CNTNAP2: variants seen among roughly 807,000 people sequenced by gnomAD.
The protein encoded by CNTNAP2 is contactin associated protein 2.
CNTNAP2 carries 98 observed loss-of-function variants against 155.2 expected under a neutral mutation model. The ratio of observed to expected loss-of-function variants is 0.63; its 90% CI spans 0.54 to 0.75. The LOEUF (loss-of-function observed/expected upper bound fraction) is 0.75. Ranked by LOEUF, CNTNAP2 falls within the 30% of genes least tolerant of loss-of-function variation. CNTNAP2 has a pLI of 0.00. For synonymous variants in CNTNAP2, 651 were observed against 631.2 expected, an observed-to-expected ratio of 1.03 and a Z score of -0.47; for missense variants, 1,727 against 1,688.1, an observed-to-expected ratio of 1.02 and a Z score of -0.40.
intron 1 of CNTNAP2, among the ~76,000 whole-genome samples, chr7:146,348,400 G>C (rs1278631476): frequency 6.6e-6 from 1 of 152,030 alleles, no homozygotes; most frequent in East Asian, 1.9e-4. Flanking sequence ...ACTCCAGCCT[G>C]GGCAATAAGA....
At chr7:146,696,927 G>A (rs1282376586) in intron 1 of CNTNAP2, among the ~76,000 whole-genome samples, 3 of 152,114 alleles carry the variant, frequency 2.0e-5, no homozygotes, top group Non-Finnish European at 4.4e-5. Flanking sequence ...TTGTGACCTA[G>A]AATGTGGTAT....
chr7:147,709,194 G>T (rs1796365540), intron 13 of CNTNAP2, among the ~76,000 whole-genome samples: 2 of 152,112 alleles, frequency 1.3e-5, no homozygotes, highest in Admixed American at 1.3e-4. Flanking sequence ...TGGTACAAGG[G>T]CCAGGTCATC....
intron 1 of CNTNAP2, among the ~76,000 whole-genome samples, chr7:146,480,751 C>T (rs1796948389): frequency 7.2e-6 from 1 of 138,962 alleles, no homozygotes; most frequent in African/African-American, 2.7e-5. Context: ...TGCAGTGGTG[C>T]GATCTCGGCT....
chr7:146,327,921 T>A (rs1408289963), intron 1 of CNTNAP2, among the ~76,000 whole-genome samples: 2 of 152,170 alleles, frequency 1.3e-5, no homozygotes, highest in East Asian at 1.9e-4. Flanking sequence ...GTAGTATCTG[T>A]TAGAGGAAAG....
chr7:147,851,511 T>C (rs1010912826), intron 13 of CNTNAP2, among the ~76,000 whole-genome samples: 42 of 152,170 alleles, frequency 2.8e-4, no homozygotes, highest in Non-Finnish European at 4.9e-4. Context: ...AGCAAAGACT[T>C]GGAACCAACC....
intron 3 of CNTNAP2, among the ~76,000 whole-genome samples, chr7:146,840,830 A>G (rs988827057): frequency 6.6e-6 from 1 of 152,226 alleles, no homozygotes; most frequent in African/African-American, 2.4e-5. Flanking sequence ...GTTCATTTCT[A>G]CAGCAGTATG....
At chr7:146,838,200 G>A (rs1015664023) in intron 2 of CNTNAP2, among the ~76,000 whole-genome samples, 2 of 152,198 alleles carry the variant, frequency 1.3e-5, no homozygotes. Context: ...TCCAGAAAGT[G>A]AAGCTAGCAG....
At chr7:147,743,745 C>T (rs1426311280) in intron 13 of CNTNAP2, among the ~76,000 whole-genome samples, 1 of 151,556 alleles carries the variant, frequency 6.6e-6, no homozygotes, top group African/African-American at 2.4e-5. Context: ...TGTGTTTTAA[C>T]GTCAGTCCTC....
chr7:146,305,792 C>G (rs1170976367), intron 1 of CNTNAP2, among the ~76,000 whole-genome samples: 1 of 152,000 alleles, frequency 6.6e-6, no homozygotes, highest in Non-Finnish European at 1.5e-5. Flanking sequence ...CAAGAGAAAG[C>G]AGGAAAGATC....
intron 15 of CNTNAP2, among the ~76,000 whole-genome samples, chr7:148,102,540 A>C (rs1804123389): frequency 6.6e-6 from 1 of 152,234 alleles, no homozygotes; most frequent in African/African-American, 2.4e-5. Context: ...ACAACTTGAA[A>C]TATTGAAGCG....
intron 19 of CNTNAP2, among the ~76,000 whole-genome samples, chr7:148,219,361 G>A (rs746867282): frequency 6.6e-5 from 10 of 152,182 alleles, no homozygotes; most frequent in South Asian, 2.1e-4. Context: ...ATTGTTTCCT[G>A]CCCTTCAGTG....
chr7:146,305,176 C>T (rs1476719913), intron 1 of CNTNAP2, among the ~76,000 whole-genome samples: 1 of 152,088 alleles, frequency 6.6e-6, no homozygotes, highest in Non-Finnish European at 1.5e-5. Flanking sequence ...TTTGTCTAAT[C>T]CTTTTTCAAG....
At chr7:147,476,685 G>A (rs1358719970) in intron 10 of CNTNAP2, among the ~76,000 whole-genome samples, 2 of 152,010 alleles carry the variant, frequency 1.3e-5, no homozygotes, top group Non-Finnish European at 2.9e-5. Context: ...CCAGCACTTT[G>A]GGAGGCCAAG....
chr7:146,182,222 C>G (rs1798559433), intron 1 of CNTNAP2, among the ~76,000 whole-genome samples: 1 of 151,996 alleles, frequency 6.6e-6, no homozygotes, highest in African/African-American at 2.4e-5. Flanking sequence ...GAAAAAGATT[C>G]TAGAGACAAG....
chr7:147,457,365 G>A (rs1171401488), intron 10 of CNTNAP2, among the ~76,000 whole-genome samples: 2 of 152,026 alleles, frequency 1.3e-5, no homozygotes, highest in African/African-American at 2.4e-5. Flanking sequence ...CAGTTGTAAC[G>A]CTCAGCCGGA....
At chr7:146,121,480 A>G (rs1193434076) in intron 1 of CNTNAP2, among the ~76,000 whole-genome samples, 3 of 152,164 alleles carry the variant, frequency 2.0e-5, no homozygotes, top group Non-Finnish European at 2.9e-5. Flanking sequence ...AAACATATGG[A>G]GATCCAACTT....
At chr7:147,317,261 A>G (rs571745440) in intron 9 of CNTNAP2, among the ~76,000 whole-genome samples, 16 of 152,286 alleles carry the variant, frequency 1.1e-4, no homozygotes, top group Admixed American at 5.2e-4. Context: ...CTTTCAATCT[A>G]TCTTCCACTG....
chr7:147,934,117 G>T (rs979623697), intron 14 of CNTNAP2, among the ~76,000 whole-genome samples: 3 of 152,158 alleles, frequency 2.0e-5, no homozygotes, highest in African/African-American at 7.2e-5. Flanking sequence ...TGCAAGATGG[G>T]TATACAACGT....
chr7:147,036,879 C>G (rs115145026), intron 3 of CNTNAP2, among the ~76,000 whole-genome samples: 2 of 151,942 alleles, frequency 1.3e-5, no homozygotes, highest in African/African-American at 4.8e-5. Context: ...ATATGAAAAA[C>G]TGTAAATGAG....
Sources: allele counts gnomAD v4.1 joint callset (sites outside exome capture counted in the v4.1 genomes callset), GRCh38; gene constraint gnomAD v4.1.1; transcripts MANE v1.5; gene names NCBI Gene and HGNC (gene_info 2026-07-23, HGNC 2026-07-21).